Variants in PTCHD1 observed in about 807,000 individuals in gnomAD.
The protein encoded by PTCHD1 is patched domain containing 1, also known as patched domain-containing protein 1.
Under a neutral mutation model 34.6 loss-of-function variants are expected in PTCHD1, and 3 were observed. The observed-to-expected ratio is 0.09, with a 90% CI of 0.04 to 0.22. The LOEUF (loss-of-function observed/expected upper bound fraction) is 0.22, where lower values mean the gene tolerates loss of function less well. PTCHD1 is among the 10% of genes least tolerant of loss of function. The pLI, the probability that PTCHD1 is intolerant of heterozygous loss-of-function variation, is 1.00. For synonymous variants in PTCHD1, 305 were observed against 283.1 expected (o/e 1.08, Z -0.77); for missense variants, 504 against 685.5 (o/e 0.74, Z 2.96).
rs1051265641 is a variant in PTCHD1 at position 23,399,518 on chromosome X, T to C, written c.*5333T>C. The C allele has an allele frequency of 1.8e-5, 2 of 111,821 alleles. No homozygotes were observed. Among genetic ancestry groups the C allele is most frequent in the South Asian group, 3.8e-4 (1 of 2,636 alleles). The allele number at this position is 111,821 out of a possible 1,213,427, so 9.2% of individuals were successfully genotyped here. A position where few individuals can be genotyped will look rare whatever the true frequency, so the allele number is the denominator to read the frequency against. On this transcript the variant is annotated 3_prime_UTR_variant, in exon 3 of 3. Coordinates refer to ENST00000379361, the MANE Select transcript of PTCHD1 (RefSeq NM_173495.3). ...CTGTCCTAAATTAATACAGACCTCA[T>C]TGGGAGTGTGATCCTGGTGTCCTCA...
chrX:23,367,992 T>C (rs1175052191), intron 1 of PTCHD1, among the ~76,000 whole-genome samples: 1 of 110,844 alleles, frequency 9.0e-6, no homozygotes, highest in Non-Finnish European at 1.9e-5. Context: ...CTCCCAAAAG[T>C]GTTCCAGTTT....
chrX:23,374,280 CAAAAAAAAAAA>C (rs752214252), intron 1 of PTCHD1, among the ~76,000 whole-genome samples: 51 of 24,541 alleles, frequency 2.1e-3, no homozygotes, highest in African/African-American at 4.6e-3. Flanking sequence ...GAAACAAATA[CAAAAAAAAAAA>C]AAAAAAAAAA....
At position 23,399,583 on chromosome X, in the gene PTCHD1, T is replaced by G. The variant is rs1361997040; in HGVS notation, c.*5398T>G. ...CAATCAAGAACTTTTGAACTATCTTTTCTCTAAGGATCCAAAAATGCTTCA... is the reference window on the plus strand; with the variant it reads ...CAATCAAGAACTTTTGAACTATCTTGTCTCTAAGGATCCAAAAATGCTTCA... On this transcript the variant is annotated 3_prime_UTR_variant, in exon 3 of 3. Coordinates refer to ENST00000379361, the MANE Select transcript of PTCHD1 (RefSeq NM_173495.3). 8.9e-6 allele frequency: 1 copy of G among 112,338 alleles called. No individual in the cohort carries two copies. Among genetic ancestry groups the G allele is most frequent in the Non-Finnish European group, 1.9e-5 (1 of 53,273 alleles). 9.3% of individuals were successfully genotyped at this position (112,338 alleles called of 1,213,427 possible).
At chrX:23,381,536 G>T (rs1465656355) in intron 2 of PTCHD1, among the ~76,000 whole-genome samples, 1 of 112,320 alleles carries the variant, frequency 8.9e-6, no homozygotes, top group African/African-American at 3.2e-5. Context: ...TAGTGGAAGA[G>T]AATTTCCTCA....
chrX:23,343,312 C>T (rs1036641341), intron 1 of PTCHD1, among the ~76,000 whole-genome samples: 1 of 112,044 alleles, frequency 8.9e-6, no homozygotes. Context: ...TGACAACCTT[C>T]TCTGGTCCAA....
At chrX:23,359,864 G>A (rs766363216) in intron 1 of PTCHD1, among the ~76,000 whole-genome samples, 2 of 112,054 alleles carry the variant, frequency 1.8e-5, no homozygotes, top group African/African-American at 6.5e-5. Flanking sequence ...AAGAAGGGCT[G>A]TTGACTTTTG....
Position 23,352,621 on chromosome X carries a change from G to A in PTCHD1, c.351+17395G>A, listed in dbSNP as rs187154284. Among the ~76,000 whole-genome samples the A allele has an allele frequency of 9.5e-3, 1,053 of 111,412 alleles. 14 individuals are homozygous for A. Among genetic ancestry groups the A allele is most frequent in the African/African-American group, 0.032 (996 of 30,657 alleles). ...TAGAGGTTGGGATGGTGTGACCTCC[G>A]AGGATCACATAGCCTTTAAATTTCA... On this transcript the variant is annotated intron_variant, in intron 1 of 2. Coordinates refer to ENST00000379361, the MANE Select transcript of PTCHD1 (RefSeq NM_173495.3).
chrX:23,386,715 T>C (rs975550140), intron 2 of PTCHD1, among the ~76,000 whole-genome samples: 1 of 112,824 alleles, frequency 8.9e-6, no homozygotes, highest in African/African-American at 3.2e-5. Context: ...TTTAAGCAGA[T>C]TTTGCTTATG....
chrX:23,382,332 A>G (rs1169735670), intron 2 of PTCHD1, among the ~76,000 whole-genome samples: 2 of 113,041 alleles, frequency 1.8e-5, no homozygotes, highest in Non-Finnish European at 3.7e-5. Flanking sequence ...TAAAAAATGA[A>G]ATTGTAATAT....
intron 1 of PTCHD1, among the ~76,000 whole-genome samples, chrX:23,364,836 A>G (rs1482177364): frequency 8.9e-6 from 1 of 112,786 alleles, no homozygotes; most frequent in Non-Finnish European, 1.9e-5. Flanking sequence ...ATGATCCGGA[A>G]GGTTGCAAAG....
In PTCHD1 at chrX:23,402,549, A is replaced by G. The variant is rs1297765058; in HGVS notation, c.*8364A>G. ...AGCCTGAATCTATGTTTTTCTGAAT[A>G]AAGAGACCCCATATTCTCTTTTGAA... On this transcript the variant is annotated 3_prime_UTR_variant, in exon 3 of 3. Transcript: ENST00000379361. The G allele has an allele frequency of 8.9e-6, 1 of 112,198 alleles. No homozygotes were observed. Among genetic ancestry groups the G allele is most frequent in the African/African-American group, 3.2e-5 (1 of 30,885 alleles). The allele number at this position is 112,198 out of a possible 1,213,427, so 9.2% of individuals were successfully genotyped here. A position where few individuals can be genotyped will look rare whatever the true frequency, so the allele number is the denominator to read the frequency against.
chrX:23,347,814 T>C (rs1269241822), intron 1 of PTCHD1, among the ~76,000 whole-genome samples: 1 of 111,146 alleles, frequency 9.0e-6, no homozygotes, highest in Non-Finnish European at 1.9e-5. Flanking sequence ...ATAACCACCC[T>C]GGGCAACATA....
chrX:23,338,625 G>C (rs1329325711), intron 1 of PTCHD1, among the ~76,000 whole-genome samples: 2 of 112,067 alleles, frequency 1.8e-5, no homozygotes, highest in Non-Finnish European at 3.8e-5. Context: ...TTACATATGA[G>C]AAAACTACTT....
chrX:23,358,318 C>T lies in PTCHD1; in HGVS notation c.352-21273C>T, dbSNP rs1921867268. 2.7e-5 allele frequency among the ~76,000 whole-genome samples: 3 copies of T among 111,914 alleles called. No homozygotes were observed. In the South Asian group the frequency reaches 1.1e-3, roughly 42 times the overall value. On this transcript the variant is annotated intron_variant, in intron 1 of 2. Transcript: ENST00000379361. Reference sequence around the variant, plus strand: ...TATTTCTCCACATCCTCTCCAGCACCTGTTGTTTTCTGACTTTTTAATGAT... The same window carrying T: ...TATTTCTCCACATCCTCTCCAGCACTTGTTGTTTTCTGACTTTTTAATGAT...
chrX:23,369,267 G>T (rs1470021971), intron 1 of PTCHD1, among the ~76,000 whole-genome samples: 2 of 111,213 alleles, frequency 1.8e-5, no homozygotes, highest in Non-Finnish European at 3.8e-5. Context: ...GTACTGGTCG[G>T]AGTTTTGTTG....
At chrX:23,386,473 ATAAACCAAACAATTCAGCTTG>A (rs1922689407) in intron 2 of PTCHD1, among the ~76,000 whole-genome samples, 1 of 112,309 alleles carries the variant, frequency 8.9e-6, no homozygotes, top group Non-Finnish European at 1.9e-5. Context: ...ACAGGCTGCA[ATAAACCAAACAATTCAGCTTG>A]TAAAGTAAAT....
At chrX:23,348,269 G>GAA (rs150677783) in intron 1 of PTCHD1, among the ~76,000 whole-genome samples, 15,671 of 83,047 alleles carry the variant, frequency 0.19, 1,538 homozygotes, top group African/African-American at 0.36. Flanking sequence ...AGTTAAAAGA[G>GAA]AAAAAAAAAA....
At chrX:23,341,343 A>G (rs1921302844) in intron 1 of PTCHD1, among the ~76,000 whole-genome samples, 1 of 112,413 alleles carries the variant, frequency 8.9e-6, no homozygotes, top group Non-Finnish European at 1.9e-5. Context: ...CTCCTTAAAA[A>G]TACGAGAAGG....
At chrX:23,358,655 G>T (rs1354100733) in intron 1 of PTCHD1, among the ~76,000 whole-genome samples, 1 of 111,834 alleles carries the variant, frequency 8.9e-6, no homozygotes, top group African/African-American at 3.3e-5. Flanking sequence ...AGTTTAATTA[G>T]ACCCCATTTG....
Sources: allele counts gnomAD v4.1 joint callset (sites outside exome capture counted in the v4.1 genomes callset), GRCh38; gene constraint gnomAD v4.1.1; transcripts MANE v1.5; gene names NCBI Gene and HGNC (gene_info 2026-07-23, HGNC 2026-07-21).